Variants in FMNL2 observed in about 807,000 individuals in gnomAD.
The protein encoded by FMNL2 is formin like 2, also known as formin-like protein 2.
Under a neutral mutation model 130.2 loss-of-function variants are expected in FMNL2, and 51 were observed. The observed-to-expected ratio is 0.39, with a 90% confidence interval of 0.31 to 0.49. The LOEUF (loss-of-function observed/expected upper bound fraction) is 0.49, where lower values mean the gene tolerates loss of function less well. FMNL2 is among the 20% of genes least tolerant of loss of function. The pLI, the probability that FMNL2 is intolerant of heterozygous loss-of-function variation, is 0.85. For missense variants in FMNL2, 977 were observed against 1,316.2 expected (o/e 0.74, Z 3.99); for synonymous variants, 465 against 467.1 (o/e 1.00, Z 0.06).
intron 9 of FMNL2, among the ~76,000 whole-genome samples, chr2:152,593,886 TGTGTGTGTGTGTGTGTGAGAGAGA>T (rs1697598160): frequency 9.1e-6 from 1 of 109,894 alleles, no homozygotes; most frequent in African/African-American, 3.2e-5. Flanking sequence ...TGTGTGTGTG[TGTGTGTGTGTGTGTGTGAGAGAGA>T]GAGAGAGAGA....
intron 1 of FMNL2, among the ~76,000 whole-genome samples, chr2:152,506,177 G>A (rs944070156): frequency 6.6e-6 from 1 of 152,114 alleles, no homozygotes; most frequent in African/African-American, 2.4e-5. Context: ...TGAAAAATTT[G>A]TGCATTTATT....
intron 1 of FMNL2, among the ~76,000 whole-genome samples, chr2:152,489,021 C>T (rs547248577): frequency 5.3e-5 from 8 of 152,102 alleles, no homozygotes; most frequent in Non-Finnish European, 8.8e-5. Flanking sequence ...CAGTGAGCCA[C>T]GATGGTACCA....
intron 6 of FMNL2, among the ~76,000 whole-genome samples, chr2:152,561,598 A>G (rs968176701): frequency 2.7e-5 from 4 of 146,454 alleles, no homozygotes; most frequent in Non-Finnish European, 6.0e-5. Flanking sequence ...TTTGAGATGG[A>G]ATCTCGCTCT....
At chr2:152,345,484 A>T (rs1682064917) in intron 1 of FMNL2, among the ~76,000 whole-genome samples, 2 of 152,182 alleles carry the variant, frequency 1.3e-5, no homozygotes, top group East Asian at 1.9e-4. Context: ...AGTACTGCTA[A>T]ATGTCTTATT....
rs1245957341 is a variant in FMNL2 at position 152,357,072 on chromosome 2, A to ATG, written c.117+21353_117+21354insGT. ...TCACGATAAATATTACATAAGTTTA[A>ATG]TATATCACGATAAATATTACATAAG... is the stretch of plus-strand genomic sequence containing the variant. On this transcript the variant is annotated intron_variant, in intron 1 of 25. Coordinates refer to ENST00000288670, the MANE Select transcript of FMNL2 (RefSeq NM_052905.4). Among the ~76,000 whole-genome samples the ATG allele has an allele frequency of 3.8e-4, 56 of 145,802 alleles. 8 individuals carry two copies. The highest frequency in any genetic ancestry group is 1.3e-3 in the African/African-American group (52 of 40,142).
At chr2:152,439,644 G>T (rs1687954186) in intron 1 of FMNL2, among the ~76,000 whole-genome samples, 1 of 151,734 alleles carries the variant, frequency 6.6e-6, no homozygotes, top group South Asian at 2.1e-4. Context: ...TGTGCCTGTT[G>T]CAATACTTCC....
chr2:152,420,833 A>C (rs977150228), intron 1 of FMNL2, among the ~76,000 whole-genome samples: 1 of 151,992 alleles, frequency 6.6e-6, no homozygotes, highest in African/African-American at 2.4e-5. Flanking sequence ...TGGTGGAAAA[A>C]CCTTGACTGA....
chr2:152,520,698 C>G (rs184190046), intron 1 of FMNL2, among the ~76,000 whole-genome samples: 1 of 152,034 alleles, frequency 6.6e-6, no homozygotes, highest in Non-Finnish European at 1.5e-5. Context: ...GCATACCAAT[C>G]TAGATGTTAG....
At chr2:152,573,357 G>A (rs1475433175) in intron 6 of FMNL2, among the ~76,000 whole-genome samples, 1 of 152,228 alleles carries the variant, frequency 6.6e-6, no homozygotes, top group Non-Finnish European at 1.5e-5. Flanking sequence ...AGCCAGCACA[G>A]ACAGCTGTAG....
intron 10 of FMNL2, among the ~76,000 whole-genome samples, chr2:152,608,630 CTT>C (rs899036527): frequency 1.3e-4 from 20 of 151,282 alleles, no homozygotes; most frequent in African/African-American, 4.9e-4. Context: ...TTTACACTGA[CTT>C]TTAAAATCTT....
intron 9 of FMNL2, among the ~76,000 whole-genome samples, chr2:152,589,948 T>TAC (rs1697300107): frequency 2.3e-4 from 2 of 8,718 alleles, no homozygotes; most frequent in African/African-American, 5.4e-4. Context: ...TACATATATA[T>TAC]ATATATATAT....
chr2:152,560,981 T>G lies in FMNL2; in HGVS notation c.542T>G (p.Leu181Arg). Reference protein sequence around the residue: ...SIEDLHRGSNLPSPVGNSVSR... With the variant: ...SIEDLHRGSNRPSPVGNSVSR... ...GAGGACCTGCACAGAGGGAGCAACC[T>G]GCCCTCACCTGTGGGCAACAGTGTC... Residue 181 changes from leucine to arginine, a missense_variant, in exon 6 of 26, where the codon CTG (leucine) becomes CGG (arginine). Leu to Arg is a moderately radical substitution (Grantham distance 102). Coordinates refer to ENST00000288670, the MANE Select transcript of FMNL2 (RefSeq NM_052905.4). The G allele has an allele frequency of 6.2e-7, 1 of 1,606,588 alleles. No homozygotes were observed. The highest frequency in any genetic ancestry group is 8.5e-7 in the Non-Finnish European group (1 of 1,176,348).
chr2:152,591,659 A>G (rs956077549), intron 9 of FMNL2, among the ~76,000 whole-genome samples: 1 of 152,210 alleles, frequency 6.6e-6, no homozygotes, highest in East Asian at 1.9e-4. Context: ...TACAAAAATT[A>G]GCCAGGCATG....
intron 6 of FMNL2, among the ~76,000 whole-genome samples, chr2:152,569,100 C>G (rs570889265): frequency 9.3e-5 from 11 of 117,716 alleles, no homozygotes; most frequent in Admixed American, 3.5e-4. Context: ...AGCTTCCCCC[C>G]CCGCCCCAAT....
At chr2:152,621,149 G>C (rs1699227752) in intron 15 of FMNL2, 2 of 985,094 alleles carry the variant, frequency 2.0e-6, no homozygotes, top group African/African-American at 3.5e-5. Flanking sequence ...ACCCTGATTA[G>C]GCACTCTTGG....
chr2:152,387,412 G>A (rs10460316), intron 1 of FMNL2, among the ~76,000 whole-genome samples: 8,702 of 152,152 alleles, frequency 0.057, 530 homozygotes, highest in Admixed American at 0.2. Flanking sequence ...TGTTGAGTAC[G>A]GAGTGTGATT....
Position 152,532,209 on chromosome 2 carries a change from G to C in FMNL2, c.201+10183G>C, listed in dbSNP as rs116292693. ...GTGCATTTCTTCTTCATTAGGGCAA[G>C]ATAAACTTTTTCAAGAGAGTTGTGC... On this transcript the variant is annotated intron_variant, in intron 2 of 25. Coordinates refer to ENST00000288670, the MANE Select transcript of FMNL2 (RefSeq NM_052905.4). Among the ~76,000 whole-genome samples, 764 of 152,252 alleles carry C rather than the reference G, an allele frequency of 5.0e-3. 9 individuals carry two copies. Among genetic ancestry groups the C allele is most frequent in the African/African-American group, 0.017 (707 of 41,556 alleles).
At chr2:152,458,330 T>A (rs1483230418) in intron 1 of FMNL2, among the ~76,000 whole-genome samples, 1 of 152,112 alleles carries the variant, frequency 6.6e-6, no homozygotes, top group Non-Finnish European at 1.5e-5. Context: ...CATAGTGGGG[T>A]CCTTACCCCT....
At chr2:152,583,540 C>T (rs1056614750) in intron 9 of FMNL2, among the ~76,000 whole-genome samples, 8 of 152,160 alleles carry the variant, frequency 5.3e-5, no homozygotes, top group Non-Finnish European at 7.3e-5. Flanking sequence ...GGAGTATTCA[C>T]GGAGATTCCT....
Sources: allele counts gnomAD v4.1 joint callset (sites outside exome capture counted in the v4.1 genomes callset), GRCh38; gene constraint gnomAD v4.1.1; transcripts MANE v1.5; gene names NCBI Gene and HGNC (gene_info 2026-07-23, HGNC 2026-07-21).